Variants in TPR observed in about 807,000 individuals in gnomAD.
TPR encodes the protein translocated promoter region, nuclear basket protein, also known as nucleoprotein TPR.
TPR carries 51 observed loss-of-function variants against 316.1 expected under a neutral mutation model. The observed-to-expected ratio is 0.16, with a 90% CI of 0.13 to 0.20. The LOEUF (loss-of-function observed/expected upper bound fraction) is 0.20, where lower values mean the gene tolerates loss of function less well. TPR is among the 10% of genes least tolerant of loss of function. The pLI is 1.00. For synonymous variants in TPR, 981 were observed against 914.7 expected, an observed-to-expected ratio of 1.07 and a Z score of -1.31; for missense variants, 2,272 against 2,754.8, an observed-to-expected ratio of 0.82 and a Z score of 3.92.
chr1:186,367,127 C>T (rs1368290705), intron 4 of TPR, among the ~76,000 whole-genome samples: 2 of 138,230 alleles, frequency 1.4e-5, no homozygotes. Context: ...AGTGCAGTGA[C>T]GCAATCTTGG....
Position 186,313,783 on chromosome 1 carries a change from A to G in TPR, c.*188T>C. ...GTCTGGTACAACTGTCCTTAGACTG[A>G]TGAGCAAAGGAGGAGTCAACTAATG... On this transcript the variant is annotated 3_prime_UTR_variant, in exon 51 of 51. Transcript: ENST00000367478. The G allele has an allele frequency of 6.3e-7, 1 of 1,584,306 alleles. No individual in the cohort carries two copies.
At chr1:186,361,005 T>C (rs1659169366) in intron 9 of TPR, 100 bp from the exon 10 acceptor site, 4 of 1,253,022 alleles carry the variant, frequency 3.2e-6, no homozygotes, top group Non-Finnish European at 4.3e-6. Context: ...GCAGATAATA[T>C]TAAATTTCTA....
chr1:186,332,670 T>C (rs1033649234), intron 37 of TPR, among the ~76,000 whole-genome samples: 6 of 152,156 alleles, frequency 3.9e-5, no homozygotes, highest in Admixed American at 1.3e-4. Flanking sequence ...AAAGTTTACA[T>C]GGGACCTTCT....
At chr1:186,364,659 G>A (rs970285101) in intron 4 of TPR, among the ~76,000 whole-genome samples, 2 of 152,112 alleles carry the variant, frequency 1.3e-5, no homozygotes, top group African/African-American at 4.8e-5. Flanking sequence ...TTTTAGAAAG[G>A]TTTGACTTAT....
chr1:186,318,945 C>A lies in TPR; in HGVS notation c.6569-117G>T, dbSNP rs573980346. The stretch of plus-strand genomic sequence containing the variant: ...AGATATACAACTTTACTAAAGTCCA[C>A]GATTTAATTATTCCATCAAGCAAAA... On this transcript the variant is annotated intron_variant, in intron 46 of 50. Transcript: ENST00000367478. The A allele has an allele frequency of 3.3e-6, 3 of 914,068 alleles. No homozygotes were observed. In the African/African-American group the frequency reaches 5.1e-5, roughly 15 times the overall value. 56.6% of individuals were successfully genotyped at this position (914,068 alleles called of 1,614,324 possible).
intron 43 of TPR, 171 bp from the exon 44 acceptor site, chr1:186,322,757 A>G: frequency 1.6e-6 from 1 of 621,946 alleles, no homozygotes; most frequent in South Asian, 2.0e-5. Flanking sequence ...GTCAATGACA[A>G]ATTTTTAATT....
intron 24 of TPR, 87 bp downstream of exon 24, chr1:186,345,493 G>T: frequency 1.9e-6 from 2 of 1,047,768 alleles, no homozygotes; most frequent in Admixed American, 2.0e-5. Context: ...TTTTTGTAAG[G>T]TCCACCAGTT....
intron 27 of TPR, chr1:186,342,668 G>C (rs1427110671): frequency 6.6e-6 from 1 of 152,206 alleles, no homozygotes; most frequent in Non-Finnish European, 1.5e-5. Flanking sequence ...GTTAAAAGAA[G>C]ATAAATGTTT....
Position 186,351,342 on chromosome 1 carries a change from A to G in TPR, c.2598T>C (p.Thr866=). The part of the protein sequence containing the change: ...ENEVEQRHTL[T]RNLDVQLLDT... ...CTGATGGACTCACATCTAGATTTCT[A>G]GTAAGTGTATGCCTTTGTTCCACCT... Residue 866 remains threonine, a synonymous_variant, in exon 20 of 51, where the codon ACT becomes ACC. Coordinates refer to ENST00000367478, the MANE Select transcript of TPR (RefSeq NM_003292.3). The G allele has an allele frequency of 6.2e-7, 1 of 1,607,684 alleles. No individual in the cohort carries two copies. Among genetic ancestry groups the G allele is most frequent in the South Asian group, 1.1e-5 (1 of 89,324 alleles).
chr1:186,330,883 C>T (rs1034285222), intron 39 of TPR, among the ~76,000 whole-genome samples: 6 of 152,094 alleles, frequency 3.9e-5, no homozygotes, highest in Admixed American at 2.6e-4. Context: ...GCAGGTACTA[C>T]TTTAGGTATT....
chr1:186,359,638 T>C (rs1371528856), intron 12 of TPR, among the ~76,000 whole-genome samples, 161 bp downstream of exon 12: 1 of 152,118 alleles, frequency 6.6e-6, no homozygotes, highest in Non-Finnish European at 1.5e-5. Flanking sequence ...AATAAAGGTA[T>C]GACGTTTTGA....
Position 186,326,070 on chromosome 1 carries a change from AGAACTAT to A in TPR, c.6021+27_6021+33del, listed in dbSNP as rs777086420. On this transcript the variant is annotated intron_variant, in intron 41 of 50. Coordinates refer to ENST00000367478, the MANE Select transcript of TPR (RefSeq NM_003292.3). ...AGCAAGTGAAAGAAAGCTCATAGAA[AGAACTAT>A]GAATGGTTAAAATTCTAGCCAGTTA... The A allele has an allele frequency of 6.6e-5, 107 of 1,612,062 alleles. No individual in the cohort carries two copies. The South Asian group carries it at 7.9e-4, about 12-fold the overall frequency.
intron 42 of TPR, 45 bp from the exon 43 acceptor site, chr1:186,323,915 C>G (rs780403721): frequency 6.6e-7 from 1 of 1,506,948 alleles, no homozygotes; most frequent in African/African-American, 1.5e-5. Flanking sequence ...AAATTTACCA[C>G]AAAAAAACTT....
intron 6 of TPR, among the ~76,000 whole-genome samples, chr1:186,362,619 G>A (rs1227154919): frequency 2.0e-5 from 3 of 151,900 alleles, no homozygotes; most frequent in South Asian, 2.1e-4. Flanking sequence ...AAGATATATC[G>A]TAAGACAGTA....
rs760082912 is a variant in TPR at position 186,323,718 on chromosome 1, C to T, written c.6265G>A (p.Ala2089Thr). ...GGTGGTCCCAACTCCTGAGGTGGGG[C>T]ATGAATGGTCAGTCTTGGGGGAAGT... ...HPLPPRLTIH[A>T]PPQELGPPVQ... is the part of the protein sequence containing the mutation. The change falls in exon 43 of 51, where the codon GCC (alanine) becomes ACC (threonine). Residue 2089 changes from alanine to threonine, a missense_variant. Physicochemically the swap from Ala to Thr is moderately conservative, Grantham distance 58. This residue lies in a region of TPR where 435 missense variants were observed against 461.1 expected (regional missense o/e 0.94). Coordinates refer to ENST00000367478, the MANE Select transcript of TPR (RefSeq NM_003292.3). The T allele has an allele frequency of 6.0e-6, 9 of 1,511,540 alleles. No homozygotes were observed. In the African/African-American group the frequency reaches 1.3e-4, roughly 22 times the overall value. The allele number at this position is 1,511,540 out of a possible 1,614,324, so 93.6% of individuals were successfully genotyped here. A position where few individuals can be genotyped will look rare whatever the true frequency, so the allele number is the denominator to read the frequency against.
In TPR at chr1:186,325,844, C is replaced by T; in HGVS notation, c.6032G>A (p.Gly2011Glu). ...TTCTGTTTCTGTACCTGGATCAGTC[C>T]CATCACCACCCTAAAAACAAAACGT... is the stretch of plus-strand genomic sequence containing the variant. ...YEADDAEGGDGTDPGTETEES... is the reference protein window; with the variant it reads ...YEADDAEGGDETDPGTETEES... The change falls in exon 42 of 51, where the codon GGG (glycine) becomes GAG (glutamate). Residue 2011 changes from glycine to glutamate, a missense_variant. This residue lies in a region of TPR where 435 missense variants were observed against 461.1 expected (regional missense o/e 0.94). Transcript: ENST00000367478. 2 of 1,612,982 alleles carry T rather than the reference C, an allele frequency of 1.2e-6. No individual in the cohort carries two copies. The highest frequency in any genetic ancestry group is 1.7e-6 in the Non-Finnish European group (2 of 1,179,598).
intron 6 of TPR, 141 bp from the exon 7 acceptor site, chr1:186,362,521 A>C (rs1659226807): frequency 1.5e-6 from 1 of 680,776 alleles, no homozygotes; most frequent in South Asian, 1.9e-5. Context: ...ATATTTAAGA[A>C]AACTAAGAGT....
At chr1:186,340,843 T>C (rs566059728) in intron 29 of TPR, among the ~76,000 whole-genome samples, 185 bp downstream of exon 29, 2 of 152,294 alleles carry the variant, frequency 1.3e-5, no homozygotes, top group Admixed American at 1.3e-4. Context: ...TAACCAAAAT[T>C]TTTTATAAAT....
chr1:186,341,937 G>C (rs1450828572), intron 27 of TPR: 1 of 152,122 alleles, frequency 6.6e-6, no homozygotes, highest in Non-Finnish European at 1.5e-5. Context: ...ATGCTACACT[G>C]TTCATGCTTA....
Sources: allele counts gnomAD v4.1 joint callset (sites outside exome capture counted in the v4.1 genomes callset), GRCh38; gene constraint gnomAD v4.1.1; regional missense constraint gnomAD v4.1.1; transcripts MANE v1.5; gene names NCBI Gene and HGNC (gene_info 2026-07-23, HGNC 2026-07-21).